The following SOX5 variants were observed in gnomAD, a reference collection of about 807,000 sequenced individuals.
The protein encoded by SOX5 is SRY-box transcription factor 5, also known as transcription factor SOX-5.
A neutral mutation model predicts 92.0 loss-of-function variants in SOX5; 9 were observed. The observed-to-expected ratio is 0.10, with a 90% CI of 0.06 to 0.17. SOX5 has a LOEUF of 0.17. Ranked by LOEUF, SOX5 falls within the 10% of genes least tolerant of loss-of-function variation. SOX5 has a pLI of 1.00. For missense variants in SOX5, 642 were observed against 944.5 expected, an observed-to-expected ratio of 0.68 and a Z score of 4.20; for synonymous variants, 344 against 336.3, an observed-to-expected ratio of 1.02 and a Z score of -0.25.
At chr12:23,675,870 C>T (rs1311750630) in intron 6 of SOX5, among the ~76,000 whole-genome samples, 1 of 151,986 alleles carries the variant, frequency 6.6e-6, no homozygotes, top group African/African-American at 2.4e-5. Context: ...CCAAAGAAAA[C>T]ATAAAAATGG....
chr12:24,553,125 G>A (rs975030621), intron 1 of SOX5, among the ~76,000 whole-genome samples: 2 of 152,216 alleles, frequency 1.3e-5, no homozygotes, highest in African/African-American at 2.4e-5. Flanking sequence ...CCTCCTAACT[G>A]TCTCGTGATA....
At chr12:24,168,347 A>G (rs1334912312) in intron 4 of SOX5, among the ~76,000 whole-genome samples, 1 of 152,162 alleles carries the variant, frequency 6.6e-6, no homozygotes, top group Non-Finnish European at 1.5e-5. Flanking sequence ...ATTTGGTGCA[A>G]TTCTTATCCT....
chr12:24,490,246 A>C (rs1946920092), intron 1 of SOX5, among the ~76,000 whole-genome samples: 3 of 152,234 alleles, frequency 2.0e-5, no homozygotes, highest in African/African-American at 7.2e-5. Flanking sequence ...GGCACCTAGA[A>C]CAGATTCAGA....
In SOX5 at chr12:23,533,789, TTTTC is replaced by T. The variant is rs1660752870; in HGVS notation, c.*426_*429del. On this transcript the variant is annotated 3_prime_UTR_variant, in exon 15 of 15. Coordinates refer to ENST00000451604, the MANE Select transcript of SOX5 (RefSeq NM_006940.6). ...AACCCCAAAAAACAAAACAAAACTT[TTTTC>T]TTTTTAAAAATTGTAGCACAAAACA... is the stretch of plus-strand genomic sequence containing the variant. 6.5e-6 allele frequency: 1 copy of T among 153,144 alleles called. No homozygotes were observed. The highest frequency in any genetic ancestry group is 2.4e-5 in the African/African-American group (1 of 41,422). The allele number at this position is 153,144 out of a possible 1,614,324, so 9.5% of individuals were successfully genotyped here. A position where few individuals can be genotyped will look rare whatever the true frequency, so the allele number is the denominator to read the frequency against.
At chr12:23,949,684 C>T, upstream of SOX5, 2 of 1,607,520 alleles carry the variant, frequency 1.2e-6, no homozygotes, top group East Asian at 2.3e-5. Flanking sequence ...TCCAAACCTT[C>T]TAAACCAATT....
chr12:23,975,493 G>C (rs1298037396), intron 4 of SOX5, among the ~76,000 whole-genome samples: 4 of 152,052 alleles, frequency 2.6e-5, no homozygotes. Flanking sequence ...ATCTTTGTTA[G>C]GGTCATTATT....
At chr12:23,911,342 G>A (rs2097349773) in intron 1 of SOX5, among the ~76,000 whole-genome samples, 1 of 152,022 alleles carries the variant, frequency 6.6e-6, no homozygotes, top group African/African-American at 2.4e-5. Flanking sequence ...CTCAAGAGAT[G>A]TTAGATATTA....
intron 6 of SOX5, among the ~76,000 whole-genome samples, chr12:23,686,321 A>G (rs2087576559): frequency 6.6e-6 from 1 of 152,200 alleles, no homozygotes; most frequent in Non-Finnish European, 1.5e-5. Context: ...TGTTATGACC[A>G]TCCTGTAGCC....
intron 6 of SOX5, among the ~76,000 whole-genome samples, chr12:23,734,479 C>T (rs190056090): frequency 9.3e-4 from 141 of 152,178 alleles, no homozygotes; most frequent in African/African-American, 3.2e-3. Flanking sequence ...TGTTAGCTTG[C>T]TTAGATTGAA....
intron 10 of SOX5, among the ~76,000 whole-genome samples, chr12:23,570,816 C>G (rs1948053048): frequency 6.8e-6 from 1 of 146,136 alleles, no homozygotes; most frequent in Non-Finnish European, 1.5e-5. Flanking sequence ...GAGGCTGAGA[C>G]AGGGGAATGG....
chr12:23,949,887 T>TC (rs1945314970), upstream of SOX5, among the ~76,000 whole-genome samples: 1 of 146,510 alleles, frequency 6.8e-6, no homozygotes, highest in Non-Finnish European at 1.5e-5. Flanking sequence ...GTCTGGCTGC[T>TC]CCCCCCTCCG....
chr12:24,385,151 A>T (rs148242427), intron 1 of SOX5, among the ~76,000 whole-genome samples: 18 of 152,286 alleles, frequency 1.2e-4, no homozygotes, highest in African/African-American at 4.3e-4. Flanking sequence ...AATTTTATTA[A>T]AGATATGTAT....
intron 3 of SOX5, among the ~76,000 whole-genome samples, chr12:24,228,341 CT>C (rs1378644359): frequency 6.6e-6 from 1 of 152,200 alleles, no homozygotes; most frequent in Non-Finnish European, 1.5e-5. Flanking sequence ...TGGTTTCTCT[CT>C]ATCAAAATAC....
intron 3 of SOX5, among the ~76,000 whole-genome samples, chr12:23,820,641 T>A (rs2096090924): frequency 6.6e-6 from 1 of 152,220 alleles, no homozygotes; most frequent in Non-Finnish European, 1.5e-5. Flanking sequence ...TTTCTGCATA[T>A]GGCTAGCCAG....
At chr12:23,888,519 A>T (rs1295613846) in intron 2 of SOX5, among the ~76,000 whole-genome samples, 3 of 152,160 alleles carry the variant, frequency 2.0e-5, no homozygotes, top group East Asian at 1.9e-4. Flanking sequence ...TGAATGAATC[A>T]AAGTTTTCTC....
intron 1 of SOX5, among the ~76,000 whole-genome samples, chr12:24,405,775 G>C (rs1962796793): frequency 6.6e-6 from 1 of 152,088 alleles, no homozygotes. Flanking sequence ...TAAATGACCA[G>C]GTCAAAATGC....
At position 24,095,090 on chromosome 12, in the gene SOX5, A is replaced by AACACACACACAC. The variant is rs150030739; in HGVS notation, c.-2+118241_-2+118252dup. ...ACTTTCTTATAATTTCTAGCCCCGAAACACACACACACACACACACACACA... is the reference window on the plus strand; with the variant it reads ...ACTTTCTTATAATTTCTAGCCCCGAAACACACACACACACACACACACACACACACACACACA... On this transcript the variant is annotated intron_variant, in intron 4 of 4. Coordinates refer to the SOX5 transcript ENST00000446891. 9.8e-3 allele frequency among the ~76,000 whole-genome samples: 1,286 copies of AACACACACACAC among 131,556 alleles called. 19 individuals carry two copies. The highest frequency in any genetic ancestry group is 0.02 in the African/African-American group (671 of 33,668). 86.3% of individuals were successfully genotyped at this position (131,556 alleles called of 152,430 possible). A position where few individuals can be genotyped will look rare whatever the true frequency, so the allele number is the denominator to read the frequency against.
At chr12:23,605,551 T>C (rs921228309) in intron 8 of SOX5, among the ~76,000 whole-genome samples, 3 of 151,350 alleles carry the variant, frequency 2.0e-5, no homozygotes, top group African/African-American at 7.3e-5. Flanking sequence ...ATTCCATGGA[T>C]AGCGTTTACA....
At chr12:23,543,966 A>G (rs997736991) in intron 12 of SOX5, among the ~76,000 whole-genome samples, 2 of 152,242 alleles carry the variant, frequency 1.3e-5, no homozygotes, top group African/African-American at 4.8e-5. Flanking sequence ...TGACAAATGC[A>G]TGACATATGC....
Sources: gnomAD v4.1 joint callset for allele counts (sites outside exome capture counted in the v4.1 genomes callset) on GRCh38, gnomAD v4.1.1 for gene constraint, MANE v1.5 for transcripts, NCBI Gene and HGNC (gene_info 2026-07-23, HGNC 2026-07-21) for gene names.